The following UBAC2 variants were observed in gnomAD, a reference collection of about 807,000 sequenced individuals.
The protein encoded by UBAC2 is UBA domain containing 2, also known as ubiquitin-associated domain-containing protein 2.
Under a neutral mutation model 44.0 loss-of-function variants are expected in UBAC2, and 26 were observed. That is an observed-to-expected ratio of 0.59 (90% CI 0.43 to 0.82). The LOEUF (loss-of-function observed/expected upper bound fraction) is 0.82, where lower values mean the gene tolerates loss of function less well. Ranked by LOEUF, UBAC2 falls within the 40% of genes least tolerant of loss-of-function variation. The pLI is 0.00. For missense variants in UBAC2, 329 were observed against 419.4 expected (o/e 0.78, Z 1.88); for synonymous variants, 155 against 154.3 (o/e 1.00, Z -0.04).
In UBAC2 at chr13:99,367,924, C is replaced by T. The variant is rs1162253330; in HGVS notation, c.927+18C>T. ...AGGAACAGGTAATTAATCAGTAATA[C>T]CTGGTACTCATTCTAAATCCATGTT... On this transcript the variant is annotated intron_variant, in intron 8 of 8. Coordinates refer to ENST00000403766, the MANE Select transcript of UBAC2 (RefSeq NM_001144072.2). 1.9e-6 allele frequency: 3 copies of T among 1,605,094 alleles called. No individual in the cohort carries two copies. In the African/African-American group the frequency reaches 4.0e-5, roughly 22 times the overall value.
At chr13:99,374,782 G>A (rs913182293) in intron 8 of UBAC2, among the ~76,000 whole-genome samples, 5 of 152,166 alleles carry the variant, frequency 3.3e-5, no homozygotes, top group Admixed American at 6.5e-5. Context: ...CTCCCATGGC[G>A]TCTGGTCTCC....
chr13:99,332,684 G>C (rs2044733037), intron 6 of UBAC2, among the ~76,000 whole-genome samples: 1 of 152,132 alleles, frequency 6.6e-6, no homozygotes, highest in African/African-American at 2.4e-5. Flanking sequence ...GTCTTCCCGG[G>C]CATATGCTCT....
At chr13:99,299,458 A>G (rs2044224699) in intron 4 of UBAC2, among the ~76,000 whole-genome samples, 1 of 149,886 alleles carries the variant, frequency 6.7e-6, no homozygotes. Context: ...ATACACACAC[A>G]CACGCACACA....
intron 7 of UBAC2, chr13:99,356,036 A>T: frequency 2.4e-6 from 1 of 413,522 alleles, no homozygotes; most frequent in Non-Finnish European, 5.4e-6. Context: ...AATTGTACCT[A>T]TGTCACAGTA....
chr13:99,354,256 T>C (rs556641805), intron 7 of UBAC2, among the ~76,000 whole-genome samples: 44 of 152,212 alleles, frequency 2.9e-4, no homozygotes, highest in Non-Finnish European at 5.9e-4. Flanking sequence ...CCGGGTGACA[T>C]GGGGGTGTCA....
At chr13:99,307,080 G>A (rs112471195) in intron 4 of UBAC2, among the ~76,000 whole-genome samples, 2,240 of 152,228 alleles carry the variant, frequency 0.015, 56 homozygotes, top group African/African-American at 0.051. Flanking sequence ...AGTTTATACA[G>A]TAGTACATGA....
chr13:99,306,785 G>A (rs2044343106), intron 4 of UBAC2, among the ~76,000 whole-genome samples: 1 of 151,892 alleles, frequency 6.6e-6, no homozygotes, highest in Non-Finnish European at 1.5e-5. Context: ...CATTTAAAAA[G>A]CAAAGATTGG....
At chr13:99,280,262 C>T (rs1003570783) in intron 4 of UBAC2, among the ~76,000 whole-genome samples, 3 of 152,210 alleles carry the variant, frequency 2.0e-5, no homozygotes, top group Admixed American at 6.5e-5. Flanking sequence ...ATCTTCCCAG[C>T]CTCATTTTCT....
At chr13:99,317,895 C>A in intron 5 of UBAC2, 127 bp from the exon 6 acceptor site, 1 of 629,788 alleles carries the variant, frequency 1.6e-6, no homozygotes, top group South Asian at 2.6e-5. Flanking sequence ...CCATTTGCTT[C>A]TCTGTATTAT....
At chr13:99,327,402 C>A (rs2044653878) in intron 6 of UBAC2, among the ~76,000 whole-genome samples, 1 of 152,068 alleles carries the variant, frequency 6.6e-6, no homozygotes, top group Non-Finnish European at 1.5e-5. Context: ...GTCTTTTTAT[C>A]AGGAAATTAA....
chr13:99,201,722 A>G (rs2042803102), intron 1 of UBAC2, among the ~76,000 whole-genome samples: 1 of 152,090 alleles, frequency 6.6e-6, no homozygotes, highest in South Asian at 2.1e-4. Context: ...CACTGTTCAT[A>G]CTCCATGTGA....
intron 4 of UBAC2, among the ~76,000 whole-genome samples, chr13:99,283,361 T>TA (rs1405286301): frequency 6.6e-6 from 1 of 152,122 alleles, no homozygotes; most frequent in East Asian, 1.9e-4. Flanking sequence ...GAAGGAAAAA[T>TA]ATGGAGTAAC....
chr13:99,333,099 G>GC (rs1013051983), intron 6 of UBAC2, among the ~76,000 whole-genome samples: 32 of 152,002 alleles, frequency 2.1e-4, no homozygotes, highest in Non-Finnish European at 4.0e-4. Context: ...CCGTCTCTGG[G>GC]GGGGGAAGAA....
At chr13:99,219,553 T>C (rs1284267962) in intron 1 of UBAC2, among the ~76,000 whole-genome samples, 1 of 152,224 alleles carries the variant, frequency 6.6e-6, no homozygotes, top group Non-Finnish European at 1.5e-5. Flanking sequence ...AACACAAATT[T>C]GTAAACTTTC....
At chr13:99,257,408 AC>A (rs1277859648) in intron 4 of UBAC2, among the ~76,000 whole-genome samples, 1 of 152,014 alleles carries the variant, frequency 6.6e-6, no homozygotes, top group Non-Finnish European at 1.5e-5. Flanking sequence ...TTGCATCAGG[AC>A]TCCCTTCACC....
intron 3 of UBAC2, 144 bp from the exon 4 acceptor site, chr13:99,244,371 A>ATATATCCACACATATGCATGTGTG: frequency 2.0e-6 from 1 of 496,430 alleles, no homozygotes; most frequent in Non-Finnish European, 3.5e-6. Flanking sequence ...AATTTCAAAT[A>ATATATCCACACATATGCATGTGTG]TATATACACA....
chr13:99,242,659 G>A (rs1274654023), intron 2 of UBAC2, among the ~76,000 whole-genome samples: 8 of 44,020 alleles, frequency 1.8e-4, no homozygotes, highest in Non-Finnish European at 1.9e-4. Context: ...CCTCCCGGAC[G>A]GGGCGGCTGG....
chr13:99,347,332 C>CG (rs1555331244), intron 7 of UBAC2, among the ~76,000 whole-genome samples: 6 of 97,042 alleles, frequency 6.2e-5, no homozygotes, highest in African/African-American at 1.9e-4. Context: ...CCCCCCCCCC[C>CG]CCAGGAAAAA....
In UBAC2 at chr13:99,265,595, C is replaced by G. The variant is rs1181071473; in HGVS notation, c.389+20971C>G. ...TTGCACTTTCACCCCTTTTCTTCTT[C>G]TTGTTCTCGTTTTGTGTGTGCCTTG... On this transcript the variant is annotated intron_variant, in intron 4 of 8. Coordinates refer to ENST00000403766, the MANE Select transcript of UBAC2 (RefSeq NM_001144072.2). Among the ~76,000 whole-genome samples, 7 of 152,302 alleles carry G rather than the reference C, an allele frequency of 4.6e-5. No homozygotes were observed. The East Asian group carries it at 1.2e-3, about 25-fold the overall frequency.
Sources: gnomAD v4.1 joint callset for allele counts (sites outside exome capture counted in the v4.1 genomes callset) on GRCh38, gnomAD v4.1.1 for gene constraint, MANE v1.5 for transcripts, NCBI Gene and HGNC (gene_info 2026-07-23, HGNC 2026-07-21) for gene names.